Variants in CMTM4 observed in about 807,000 individuals in gnomAD.
CMTM4 encodes the protein CKLF like MARVEL transmembrane domain containing 4, also known as CKLF-like MARVEL transmembrane domain-containing protein 4.
In CMTM4, 8 loss-of-function variants were observed where a neutral mutation model predicts 19.0. The ratio of observed to expected loss-of-function variants is 0.42; its 90% confidence interval spans 0.25 to 0.76. The LOEUF (loss-of-function observed/expected upper bound fraction) is 0.76. CMTM4 is among the 30% of genes least tolerant of loss of function. CMTM4 has a pLI of 0.27. For missense variants in CMTM4, 228 were observed against 290.2 expected (o/e 0.79, Z 1.56); for synonymous variants, 106 against 121.1 (o/e 0.88, Z 0.82).
chr16:66,621,593 G>A lies in CMTM4; in HGVS notation c.*465C>T, dbSNP rs1479218240. 1.0e-6 allele frequency: 1 copy of A among 990,930 alleles called. No individual in the cohort carries two copies. The highest frequency in any genetic ancestry group is 1.2e-6 in the Non-Finnish European group (1 of 832,830). The allele number at this position is 990,930 out of a possible 1,614,324, so 61.4% of individuals were successfully genotyped here. A position where few individuals can be genotyped will look rare whatever the true frequency, so the allele number is the denominator to read the frequency against. ...TGGGGGCCCTGGCATGGAAGATGAG[G>A]AGTGGGCTGGATCCCAGCACGCAGA... On this transcript the variant is annotated 3_prime_UTR_variant, in exon 4 of 4. Coordinates refer to ENST00000394106, the MANE Select transcript of CMTM4 (RefSeq NM_181521.3).
downstream of CMTM4, chr16:66,613,266 C>T: frequency 1.6e-6 from 1 of 637,638 alleles, no homozygotes; most frequent in Middle Eastern, 4.1e-4. Context: ...ACCATGTCTT[C>T]TGGGGGTGAG....
chr16:66,617,409 A>G lies in CMTM4; in HGVS notation c.*4649T>C, dbSNP rs2015546879. On this transcript the variant is annotated 3_prime_UTR_variant, in exon 4 of 4. Coordinates refer to ENST00000394106, the MANE Select transcript of CMTM4 (RefSeq NM_181521.3). ...GGTTGAAAAACTGTATCCAAATGGAAAAAGAATATATTCCAGACAAAAGAA... is the reference window on the plus strand; with the variant it reads ...GGTTGAAAAACTGTATCCAAATGGAGAAAGAATATATTCCAGACAAAAGAA... 1 of 1,589,330 alleles carries G rather than the reference A, an allele frequency of 6.3e-7. No homozygotes were observed. Among genetic ancestry groups the G allele is most frequent in the East Asian group, 2.2e-5 (1 of 44,448 alleles).
intron 2 of CMTM4, among the ~76,000 whole-genome samples, chr16:66,632,860 G>A (rs1433007036): frequency 2.0e-5 from 3 of 151,520 alleles, no homozygotes; most frequent in Admixed American, 6.6e-5. Context: ...AGGCGGGCAG[G>A]TCACCTGAGG....
At position 66,621,324 on chromosome 16, in the gene CMTM4, C is replaced by G; in HGVS notation, c.*734G>C. On this transcript the variant is annotated 3_prime_UTR_variant, in exon 4 of 4. Coordinates refer to ENST00000394106, the MANE Select transcript of CMTM4 (RefSeq NM_181521.3). The stretch of plus-strand genomic sequence containing the variant: ...TGACTGAAAATCTGCAATTCAGCCT[C>G]AAAGTATTTAGGGTAGGCAGGAAAC... 1 of 985,628 alleles carries G rather than the reference C, an allele frequency of 1.0e-6. No homozygotes were observed. The allele number at this position is 985,628 out of a possible 1,614,324, so 61.1% of individuals were successfully genotyped here.
chr16:66,645,156 C>A (rs945339903), intron 1 of CMTM4, among the ~76,000 whole-genome samples: 1 of 152,056 alleles, frequency 6.6e-6, no homozygotes, highest in Admixed American at 6.6e-5. Flanking sequence ...TGGTGGCAGG[C>A]GCCTGTAATC....
At position 66,617,110 on chromosome 16, in the gene CMTM4, G is replaced by T. The variant is rs2015540122; in HGVS notation, c.*4948C>A. The T allele has an allele frequency of 3.4e-6, 2 of 594,236 alleles. No individual in the cohort carries two copies. Among genetic ancestry groups the T allele is most frequent in the African/African-American group, 1.9e-5 (1 of 53,320 alleles). The allele number at this position is 594,236 out of a possible 1,614,324, so 36.8% of individuals were successfully genotyped here. ...TAGCTCCCTGGGGGTCCAAGCCAAA[G>T]GCTCCCTGGCCTTTGTGTATTATGC... On this transcript the variant is annotated 3_prime_UTR_variant, in exon 4 of 4. Transcript: ENST00000394106.
At chr16:66,643,300 C>T (rs1387033573) in intron 1 of CMTM4, among the ~76,000 whole-genome samples, 2 of 152,156 alleles carry the variant, frequency 1.3e-5, no homozygotes, top group Non-Finnish European at 2.9e-5. Flanking sequence ...GCCGGTTCCA[C>T]GTGTGGTTAA....
At chr16:66,690,015 AAAACTTAAGAGT>A (rs1172772547) in intron 1 of CMTM4, among the ~76,000 whole-genome samples, 1 of 152,228 alleles carries the variant, frequency 6.6e-6, no homozygotes, top group East Asian at 1.9e-4. Context: ...AATCATCAAA[AAAACTTAAGAGT>A]AATTATAACT....
the CMTM4 span, among the ~76,000 whole-genome samples, chr16:66,607,583 G>A: frequency 3.3e-5 from 5 of 152,182 alleles, no homozygotes; most frequent in African/African-American, 1.2e-4. Context: ...AAGGTTCAAG[G>A]TTTTTTCTTT....
chr16:66,673,457 C>T (rs533222661), intron 1 of CMTM4, among the ~76,000 whole-genome samples: 3 of 152,224 alleles, frequency 2.0e-5, no homozygotes, highest in African/African-American at 7.2e-5. Context: ...ATCCACCCAC[C>T]TCAGCCTCCC....
At chr16:66,611,622 G>A (rs1272466641), downstream of CMTM4, among the ~76,000 whole-genome samples, 1 of 152,126 alleles carries the variant, frequency 6.6e-6, no homozygotes, top group African/African-American at 2.4e-5. Flanking sequence ...GAGAGACAGA[G>A]GCTGGCCAGG....
chr16:66,600,435 G>A, the CMTM4 span, among the ~76,000 whole-genome samples: 1 of 152,108 alleles, frequency 6.6e-6, no homozygotes, highest in Non-Finnish European at 1.5e-5. Flanking sequence ...ATGAGCCACT[G>A]CGCCCAGCCC....
At chr16:66,605,804 G>A in the CMTM4 span, among the ~76,000 whole-genome samples, 8 of 152,182 alleles carry the variant, frequency 5.3e-5, no homozygotes, top group African/African-American at 1.9e-4. This position sits in a 1 kb window ranked among gnomAD's most constrained non-coding sequence, Gnocchi z 4.6. Context: ...GCAGGAGGAA[G>A]GGGGATTCTG....
chr16:66,670,066 AAGAG>A (rs2016674745), intron 1 of CMTM4, among the ~76,000 whole-genome samples: 1 of 152,214 alleles, frequency 6.6e-6, no homozygotes, highest in Non-Finnish European at 1.5e-5. Flanking sequence ...AAACAAAAGC[AAGAG>A]AGAGTCTACT....
chr16:66,683,194 CATAT>C (rs71378405), intron 1 of CMTM4, among the ~76,000 whole-genome samples: 5,624 of 107,642 alleles, frequency 0.052, 284 homozygotes, highest in Admixed American at 0.13. Flanking sequence ...TATATATATA[CATAT>C]ATATATATAT....
At chr16:66,649,083 G>A (rs1316997826) in intron 1 of CMTM4, among the ~76,000 whole-genome samples, 1 of 152,224 alleles carries the variant, frequency 6.6e-6, no homozygotes, top group Non-Finnish European at 1.5e-5. Flanking sequence ...CACACCTGTA[G>A]TCCTAGCTAC....
Position 66,682,238 on chromosome 16 carries a change from T to G in CMTM4, c.186+14102A>C, listed in dbSNP as rs191491590. Reference sequence around the variant, plus strand: ...TTTTACTGACATCTAGTTACTGATCTTGATTTAACTTTCAAGTTATTTAGC... The same window carrying G: ...TTTTACTGACATCTAGTTACTGATCGTGATTTAACTTTCAAGTTATTTAGC... On this transcript the variant is annotated intron_variant, in intron 1 of 3. Coordinates refer to ENST00000394106, the MANE Select transcript of CMTM4 (RefSeq NM_181521.3). Among the ~76,000 whole-genome samples, 4 of 152,346 alleles carry G rather than the reference T, an allele frequency of 2.6e-5. 1 individual carries two copies. The East Asian group carries it at 5.8e-4, about 22-fold the overall frequency.
At chr16:66,624,509 G>A (rs771661892) in intron 2 of CMTM4, among the ~76,000 whole-genome samples, 2 of 152,260 alleles carry the variant, frequency 1.3e-5, no homozygotes, top group East Asian at 1.9e-4. Flanking sequence ...GCTCATGCCT[G>A]TAATCCCAGC....
chr16:66,674,108 A>G (rs1326974050), intron 1 of CMTM4, among the ~76,000 whole-genome samples: 3 of 152,248 alleles, frequency 2.0e-5, no homozygotes, highest in Non-Finnish European at 4.4e-5. Context: ...GGAGCTAGGC[A>G]GAGCCAAGTT....
Sources: allele counts gnomAD v4.1 joint callset (sites outside exome capture counted in the v4.1 genomes callset), GRCh38; gene constraint gnomAD v4.1.1; non-coding constraint Gnocchi (gnomAD v3.1); transcripts MANE v1.5; gene names NCBI Gene and HGNC (gene_info 2026-07-23, HGNC 2026-07-21).